The following NIN variants were observed in gnomAD, a reference collection of about 807,000 sequenced individuals.
NIN encodes ninein.
NIN carries 137 observed loss-of-function variants against 257.6 expected under a neutral mutation model. The ratio of observed to expected loss-of-function variants is 0.53; its 90% confidence interval spans 0.46 to 0.61. The LOEUF (loss-of-function observed/expected upper bound fraction) is 0.61. Among genes scored for constraint, NIN ranks in the 20% least tolerant of loss-of-function variants. The probability of loss-of-function intolerance (pLI) is 0.00; values close to 1 mark genes in which losing one functional copy is unlikely to be tolerated. For synonymous variants in NIN, 918 were observed against 919.8 expected (o/e 1.00, Z 0.04); for missense variants, 2,439 against 2,501.2 (o/e 0.98, Z 0.53).
chr14:50,760,711 C>T (rs2042244424), intron 16 of NIN, among the ~76,000 whole-genome samples: 1 of 152,126 alleles, frequency 6.6e-6, no homozygotes, highest in Non-Finnish European at 1.5e-5. Flanking sequence ...CTCACTCTGT[C>T]ACCCAAGCTG....
At chr14:50,830,436 C>G (rs1170508555) in intron 2 of NIN, 28 bp downstream of exon 2, 1 of 167,076 alleles carries the variant, frequency 6.0e-6, no homozygotes, top group Non-Finnish European at 1.5e-5. Context: ...AGGCAGCGCG[C>G]TCCCCCGGCC....
intron 4 of NIN, among the ~76,000 whole-genome samples, chr14:50,795,844 C>T (rs1957392): frequency 0.23 from 34,391 of 151,802 alleles, 5,556 homozygotes; most frequent in African/African-American, 0.46. Context: ...CCAGGCGTGG[C>T]GGCTCGTGAC....
chr14:50,754,780 C>T lies in NIN; in HGVS notation c.4626G>A (p.Leu1542=). ...GAGATCCATTTAATGTCCCTAATTT[C>T]AGGTTAGAAATGCTATCTTCTTCAT... ...TLNEEDSISN[L]KLGTLNGSQE... Residue 1542 remains leucine (L), a synonymous_variant, in exon 19 of 31, where the codon CTG becomes CTA. Coordinates refer to ENST00000530997, the MANE Select transcript of NIN (RefSeq NM_020921.4). 6.3e-7 allele frequency: 1 copy of T among 1,584,280 alleles called. No homozygotes were observed. The highest frequency in any genetic ancestry group is 1.2e-5 in the South Asian group (1 of 86,832).
intron 26 of NIN, 44 bp from the exon 27 acceptor site, chr14:50,738,330 C>A: frequency 6.4e-7 from 1 of 1,570,566 alleles, no homozygotes; most frequent in African/African-American, 1.4e-5. Context: ...AATACAATCA[C>A]CCAGCCAGCA....
chr14:50,803,906 T>TC (rs1159545255), intron 4 of NIN, among the ~76,000 whole-genome samples: 3 of 150,654 alleles, frequency 2.0e-5, no homozygotes, highest in East Asian at 3.9e-4. Context: ...TTTTCTTCTT[T>TC]TTTTTTTTGA....
intron 4 of NIN, among the ~76,000 whole-genome samples, chr14:50,795,238 C>T (rs572399802): frequency 2.6e-5 from 4 of 152,286 alleles, no homozygotes; most frequent in African/African-American, 7.2e-5. Context: ...TGACCAATAA[C>T]GAAGTGGACT....
At chr14:50,776,891 T>C (rs1321294338) in intron 7 of NIN, 58 bp downstream of exon 7, 1 of 1,462,144 alleles carries the variant, frequency 6.8e-7, no homozygotes, top group Non-Finnish European at 9.3e-7. Flanking sequence ...GTTCCTAGCA[T>C]GTGGTCAACT....
At chr14:50,759,494 C>A (rs900829586) in intron 17 of NIN, among the ~76,000 whole-genome samples, 1 of 122,966 alleles carries the variant, frequency 8.1e-6, no homozygotes, top group East Asian at 2.3e-4. Context: ...AAGCGACTGG[C>A]ACTTTTTTTT....
chr14:50,775,810 A>C (rs986999522), intron 7 of NIN, among the ~76,000 whole-genome samples: 3 of 152,184 alleles, frequency 2.0e-5, no homozygotes, highest in African/African-American at 7.2e-5. Flanking sequence ...TATTGCACTG[A>C]TTTACAATTC....
chr14:50,725,654 A>T (rs2040379714), intron 30 of NIN, among the ~76,000 whole-genome samples: 1 of 151,984 alleles, frequency 6.6e-6, no homozygotes, highest in South Asian at 2.1e-4. Context: ...GTCTATGTGA[A>T]TCAATAGATT....
intron 5 of NIN, among the ~76,000 whole-genome samples, chr14:50,782,681 C>A (rs1004867794): frequency 1.3e-5 from 2 of 152,232 alleles, no homozygotes; most frequent in Admixed American, 1.3e-4. Flanking sequence ...ATAGGTACAA[C>A]TCTCACTATT....
At chr14:50,737,564 G>A (rs2041048665) in intron 27 of NIN, among the ~76,000 whole-genome samples, 1 of 138,010 alleles carries the variant, frequency 7.2e-6, no homozygotes, top group African/African-American at 2.7e-5. Flanking sequence ...TAAATATTTT[G>A]CCAACTTATA....
intron 7 of NIN, 46 bp downstream of exon 7, chr14:50,776,903 C>A: frequency 1.3e-6 from 2 of 1,531,730 alleles, no homozygotes; most frequent in African/African-American, 1.4e-5. Flanking sequence ...TGGTCAACTA[C>A]ACTTTTACCA....
At chr14:50,801,070 T>A (rs2044079405) in intron 4 of NIN, among the ~76,000 whole-genome samples, 1 of 146,350 alleles carries the variant, frequency 6.8e-6, no homozygotes, top group Admixed American at 6.9e-5. Context: ...ATTACAGGCA[T>A]GAGCCACTGC....
At chr14:50,773,854 G>A (rs1313582594) in intron 7 of NIN, among the ~76,000 whole-genome samples, 1 of 152,202 alleles carries the variant, frequency 6.6e-6, no homozygotes, top group Non-Finnish European at 1.5e-5. Context: ...CTAGAGGCTT[G>A]CCTGGGAATG....
At chr14:50,823,299 A>G (rs1595950236) in intron 2 of NIN, 2 of 567,606 alleles carry the variant, frequency 3.5e-6, no homozygotes, top group Middle Eastern at 3.0e-4. Context: ...CGGTGACCTC[A>G]GCCATCTGCA....
chr14:50,808,457 C>T (rs1189847828), intron 3 of NIN, among the ~76,000 whole-genome samples: 1 of 152,196 alleles, frequency 6.6e-6, no homozygotes, highest in African/African-American at 2.4e-5. Flanking sequence ...CACACAAAGG[C>T]TTTATAGCTA....
At chr14:50,740,192 C>CT (rs34661828) in intron 25 of NIN, among the ~76,000 whole-genome samples, 62,158 of 146,956 alleles carry the variant, frequency 0.42, 14,135 homozygotes, top group East Asian at 0.66. Context: ...AAAATGGAAA[C>CT]TTTTTTTTTT....
At chr14:50,742,060 GC>G in intron 24 of NIN, 1 of 221,030 alleles carries the variant, frequency 4.5e-6, no homozygotes, top group Non-Finnish European at 9.0e-6. Context: ...AATTGTTTTA[GC>G]CTATGATGTT....
Sources: allele counts gnomAD v4.1 joint callset (sites outside exome capture counted in the v4.1 genomes callset), GRCh38; gene constraint gnomAD v4.1.1; transcripts MANE v1.5; gene names NCBI Gene and HGNC (gene_info 2026-07-23, HGNC 2026-07-21).